Variants in PSMA1 observed in about 807,000 individuals in gnomAD.
PSMA1 encodes the protein proteasome 20S subunit alpha 1.
PSMA1 carries 3 observed loss-of-function variants against 38.4 expected under a neutral mutation model. The observed-to-expected ratio is 0.08, with a 90% CI of 0.04 to 0.20. The LOEUF (loss-of-function observed/expected upper bound fraction) is 0.20. PSMA1 is among the 10% of genes least tolerant of loss of function. The probability of loss-of-function intolerance (pLI) is 1.00; values close to 1 mark genes in which losing one functional copy is unlikely to be tolerated. For missense variants in PSMA1, 227 were observed against 325.3 expected (o/e 0.70, Z 2.32); for synonymous variants, 101 against 107.1 (o/e 0.94, Z 0.35).
intron 2 of PSMA1, among the ~76,000 whole-genome samples, chr11:14,536,718 T>C (rs1462373204): frequency 6.6e-6 from 1 of 151,934 alleles, no homozygotes; most frequent in Non-Finnish European, 1.5e-5. Context: ...TTCATGCCAT[T>C]CTCCTGCCTC....
rs117110830 is a variant in PSMA1, at chr11:14,530,007, G to T, written c.22-10966C>A. ...GAAGCGGGGAATTTTTATCTATTTT[G>T]CTCACCACTGCATTTGCCTATACCT... On this transcript the variant is annotated intron_variant, in intron 2 of 10. Coordinates refer to the PSMA1 transcript ENST00000418988. Among the ~76,000 whole-genome samples, 633 of 152,234 alleles carry T rather than the reference G, an allele frequency of 4.2e-3. 5 individuals carry two copies. The highest frequency in any genetic ancestry group is 6.4e-3 in the Admixed American group (98 of 15,288).
intron 2 of PSMA1, among the ~76,000 whole-genome samples, chr11:14,546,472 C>G (rs1311396254): frequency 8.5e-5 from 13 of 152,082 alleles, no homozygotes; most frequent in Non-Finnish European, 1.9e-4. Flanking sequence ...GAGTCTCGCT[C>G]TGTTGCCCAG....
At chr11:14,520,502 G>T, upstream of PSMA1, 2 of 1,434,098 alleles carry the variant, frequency 1.4e-6, no homozygotes, top group Non-Finnish European at 1.8e-6. Context: ...GGCGGCGGGC[G>T]GAGCCTCGGA....
chr11:14,550,186 G>C (rs370985364), intron 2 of PSMA1, among the ~76,000 whole-genome samples: 2 of 152,128 alleles, frequency 1.3e-5, no homozygotes, highest in East Asian at 3.8e-4. Context: ...GTGAAAAAGC[G>C]TCCTTGTGCA....
rs1223307074 is a variant in PSMA1 at position 14,536,546 on chromosome 11, AAAAC to A, written c.22-17509_22-17506del. Among the ~76,000 whole-genome samples, 9 of 152,078 alleles carry A rather than the reference AAAAC, an allele frequency of 5.9e-5. No individual in the cohort carries two copies. In the East Asian group the frequency reaches 1.7e-3, roughly 29 times the overall value. ...CGACTCCAAAAAACAAACAAACAGA[AAAAC>A]AAACAAAAAAACTCAGATATTTCTT... is the stretch of plus-strand genomic sequence containing the variant. On this transcript the variant is annotated intron_variant, in intron 2 of 10. Transcript: ENST00000418988.
chr11:14,565,001 A>G (rs1469679234), intron 2 of PSMA1, among the ~76,000 whole-genome samples: 1 of 151,414 alleles, frequency 6.6e-6, no homozygotes, highest in Non-Finnish European at 1.5e-5. Flanking sequence ...CTGGCCGTGA[A>G]CTCCTGGGCT....
intron 2 of PSMA1, among the ~76,000 whole-genome samples, chr11:14,542,475 T>C (rs1180014811): frequency 3.9e-5 from 6 of 152,372 alleles, no homozygotes; most frequent in Non-Finnish European, 5.9e-5. Context: ...TGCTTTTCAA[T>C]AGAAAATGTT....
At chr11:14,627,551 C>T (rs1401235795) in intron 1 of PSMA1, among the ~76,000 whole-genome samples, 2 of 152,168 alleles carry the variant, frequency 1.3e-5, no homozygotes, top group African/African-American at 2.4e-5. Flanking sequence ...ATCCTGGCTC[C>T]ACCAACTACT....
intron 1 of PSMA1, among the ~76,000 whole-genome samples, chr11:14,631,469 A>T (rs949731154): frequency 7.9e-5 from 12 of 151,736 alleles, no homozygotes; most frequent in Admixed American, 7.2e-4. Flanking sequence ...CATGTAGTTG[A>T]GCGGTTTTGA....
At chr11:14,605,213 G>A (rs1036879710) in intron 2 of PSMA1, among the ~76,000 whole-genome samples, 1 of 152,094 alleles carries the variant, frequency 6.6e-6, no homozygotes, top group Non-Finnish European at 1.5e-5. Flanking sequence ...GCCAACAGCT[G>A]TTGTTTTTTG....
chr11:14,550,782 AT>A (rs998360559), intron 2 of PSMA1, among the ~76,000 whole-genome samples: 1 of 152,026 alleles, frequency 6.6e-6, no homozygotes, highest in African/African-American at 2.4e-5. Flanking sequence ...TATTAATTAT[AT>A]TTTCTTATTC....
intron 2 of PSMA1, among the ~76,000 whole-genome samples, chr11:14,584,500 G>GTTTTTTTT (rs765040764): frequency 6.7e-5 from 9 of 133,666 alleles, no homozygotes; most frequent in East Asian, 4.3e-4. Flanking sequence ...TGTTTTTTTT[G>GTTTTTTTT]TTTTTTGTTT....
chr11:14,567,969 T>A (rs1233637602), intron 2 of PSMA1, among the ~76,000 whole-genome samples: 5 of 152,136 alleles, frequency 3.3e-5, no homozygotes, highest in African/African-American at 1.2e-4. Context: ...AAATCAACAA[T>A]ATATATTAAA....
chr11:14,621,627 C>G (rs1322186991), intron 1 of PSMA1, among the ~76,000 whole-genome samples: 1 of 152,146 alleles, frequency 6.6e-6, no homozygotes, highest in Admixed American at 6.5e-5. Context: ...TAGTAACCAC[C>G]TTTTTCTCTC....
intron 2 of PSMA1, among the ~76,000 whole-genome samples, chr11:14,579,763 T>A (rs1212171289): frequency 6.6e-6 from 1 of 152,184 alleles, no homozygotes; most frequent in Non-Finnish European, 1.5e-5. Context: ...CTTTGGCCTA[T>A]TAGAATTTCA....
intron 1 of PSMA1, among the ~76,000 whole-genome samples, chr11:14,632,712 C>G (rs1457780178): frequency 1.4e-5 from 2 of 146,318 alleles, no homozygotes; most frequent in African/African-American, 2.5e-5. Context: ...GAACGTTGGC[C>G]TGCCTTGCTA....
intron 2 of PSMA1, among the ~76,000 whole-genome samples, chr11:14,603,711 T>A (rs1388198131): frequency 6.6e-6 from 1 of 152,256 alleles, no homozygotes; most frequent in East Asian, 1.9e-4. Flanking sequence ...TTCAGTAGAT[T>A]CTTATTGGAC....
exon 2 of PSMA1, chr11:14,611,019 A>AGTC (rs1852702290): frequency 6.2e-7 from 1 of 1,603,526 alleles, no homozygotes; most frequent in African/African-American, 1.3e-5. Context: ...CTAGTAGACC[A>AGTC]ACATACAACA....
intron 8 of PSMA1, 54 bp from the exon 9 acceptor site, chr11:14,507,820 C>T (rs552685083): frequency 4.3e-6 from 5 of 1,176,120 alleles, no homozygotes; most frequent in Admixed American, 1.9e-5. Flanking sequence ...TGAAAAAATA[C>T]ATACGATAAA....
Sources: gnomAD v4.1 joint callset for allele counts (sites outside exome capture counted in the v4.1 genomes callset) on GRCh38, gnomAD v4.1.1 for gene constraint, MANE v1.5 for transcripts, NCBI Gene and HGNC (gene_info 2026-07-23, HGNC 2026-07-21) for gene names.